The following HSD17B4 variants were observed in gnomAD, a reference collection of about 807,000 sequenced individuals.
HSD17B4 encodes the protein hydroxysteroid 17-beta dehydrogenase 4, also known as peroxisomal multifunctional enzyme type 2.
A neutral mutation model predicts 101.0 loss-of-function variants in HSD17B4; 70 were observed. That is an observed-to-expected ratio of 0.69 (90% CI 0.57 to 0.85). HSD17B4 has a LOEUF of 0.85. Ranked by LOEUF, HSD17B4 falls within the 40% of genes least tolerant of loss-of-function variation. The pLI, the probability that HSD17B4 is intolerant of heterozygous loss-of-function variation, is 0.00. For synonymous variants in HSD17B4, 347 were observed against 297.1 expected (o/e 1.17, Z -1.73); for missense variants, 984 against 892.4 (o/e 1.10, Z -1.31).
chr5:119,478,469 T>C (rs761049113), intron 7 of HSD17B4, among the ~76,000 whole-genome samples: 2 of 152,208 alleles, frequency 1.3e-5, no homozygotes, highest in Non-Finnish European at 2.9e-5. Flanking sequence ...AGGCATTTAA[T>C]ATTATTCAGA....
At chr5:119,457,510 G>A (rs1449572792) in intron 2 of HSD17B4, among the ~76,000 whole-genome samples, 2 of 152,190 alleles carry the variant, frequency 1.3e-5, no homozygotes, top group African/African-American at 4.8e-5. Context: ...CATAGGCACT[G>A]TCTGCTAATC....
intron 17 of HSD17B4, among the ~76,000 whole-genome samples, chr5:119,522,781 T>C (rs1362877956): frequency 6.6e-6 from 1 of 152,162 alleles, no homozygotes; most frequent in Non-Finnish European, 1.5e-5. Flanking sequence ...TTTGTTTTAT[T>C]CTGTTCTCCC....
intron 2 of HSD17B4, among the ~76,000 whole-genome samples, chr5:119,466,753 CCTT>C (rs1356236193): frequency 2.0e-5 from 3 of 151,670 alleles, no homozygotes; most frequent in South Asian, 2.1e-4. Flanking sequence ...GTTTCAGTGA[CCTT>C]CTGTAATTTT....
Position 119,477,440 on chromosome 5 carries a change from C to T in HSD17B4, c.373C>T (p.Arg125Trp), listed in dbSNP as rs149916677. 90 of 1,610,496 alleles carry T rather than the reference C, an allele frequency of 5.6e-5. No individual in the cohort carries two copies. The highest frequency in any genetic ancestry group is 1.2e-4 in the Admixed American group (7 of 59,928). The change falls in exon 7 of 24, where the codon CGG becomes TGG. Residue 125 changes from arginine to tryptophan, a missense_variant. By Grantham distance (101) the Arg-to-Trp change is moderately radical (BLOSUM62 -3). Transcript: ENST00000510025. ...AGATATAATCCACAGAGTTCATTTG[C>T]GGGGTTCATTCCAAGTGACACGGGC... ...DWDIIHRVHLRGSFQVTRAAW... is the reference protein window; with the variant it reads ...DWDIIHRVHLWGSFQVTRAAW...
chr5:119,520,499 A>T (rs1173860887), intron 17 of HSD17B4, among the ~76,000 whole-genome samples: 1 of 152,144 alleles, frequency 6.6e-6, no homozygotes, highest in Admixed American at 6.5e-5. Flanking sequence ...CAGAATTCTA[A>T]TCTATATTTG....
chr5:119,475,515 T>G (rs530129855), intron 4 of HSD17B4, among the ~76,000 whole-genome samples, 191 bp from the exon 5 acceptor site: 1 of 152,122 alleles, frequency 6.6e-6, no homozygotes, highest in Non-Finnish European at 1.5e-5. Context: ...TGATATAATG[T>G]GATACTTAGG....
intron 2 of HSD17B4, among the ~76,000 whole-genome samples, chr5:119,459,018 C>A (rs1467682331): frequency 1.3e-5 from 2 of 152,218 alleles, no homozygotes; most frequent in Admixed American, 1.3e-4. Flanking sequence ...ACTGAAGTAA[C>A]ACCTTTGGGT....
chr5:119,452,697 C>G, intron 1 of HSD17B4, 64 bp downstream of exon 1: 1 of 1,609,268 alleles, frequency 6.2e-7, no homozygotes, highest in Non-Finnish European at 8.5e-7. Flanking sequence ...TCTTTTCGGG[C>G]CGGCATACGC....
In HSD17B4 at chr5:119,509,127, T is replaced by A; in HGVS notation, c.1334-14T>A. The A allele has an allele frequency of 7.3e-7, 1 of 1,363,716 alleles. No homozygotes were observed. Among genetic ancestry groups the A allele is most frequent in the Non-Finnish European group, 1.0e-6 (1 of 952,738 alleles). The allele number at this position is 1,363,716 out of a possible 1,614,324, so 84.5% of individuals were successfully genotyped here. ...TGGTAACTTCTTTTATTTTTTCTTTTATTTACTTTTCAGTCTATTCTTATT... is the reference window on the plus strand; with the variant it reads ...TGGTAACTTCTTTTATTTTTTCTTTAATTTACTTTTCAGTCTATTCTTATT... On this transcript the variant is annotated splice_polypyrimidine_tract_variant and intron_variant, in intron 15 of 23. Transcript: ENST00000510025.
At chr5:119,458,508 A>ATT (rs35423756) in intron 2 of HSD17B4, among the ~76,000 whole-genome samples, 93 of 136,298 alleles carry the variant, frequency 6.8e-4, no homozygotes, top group East Asian at 1.9e-3. Context: ...AGCCTGGCTA[A>ATT]TTTTTTTTTT....
chr5:119,536,316 A>G, intron 22 of HSD17B4, 107 bp from the exon 23 acceptor site: 1 of 1,017,250 alleles, frequency 9.8e-7, no homozygotes, highest in East Asian at 2.4e-5. Flanking sequence ...AATAAGTGCC[A>G]CATTAACATG....
At chr5:119,511,018 C>T (rs1348802900) in intron 16 of HSD17B4, among the ~76,000 whole-genome samples, 1 of 152,168 alleles carries the variant, frequency 6.6e-6, no homozygotes, top group Non-Finnish European at 1.5e-5. Context: ...TGCACTTGCC[C>T]TAGCTTTCCC....
At chr5:119,534,032 AC>A (rs1425148554) in intron 22 of HSD17B4, among the ~76,000 whole-genome samples, 3 of 152,074 alleles carry the variant, frequency 2.0e-5, no homozygotes, top group Non-Finnish European at 4.4e-5. Flanking sequence ...TATTACTGAA[AC>A]TTTTTATAAA....
At chr5:119,484,059 C>G (rs36085051) in intron 8 of HSD17B4, among the ~76,000 whole-genome samples, 17 of 152,044 alleles carry the variant, frequency 1.1e-4, no homozygotes, top group African/African-American at 3.9e-4. Flanking sequence ...TAAAAAAAGT[C>G]AAGCTGGACA....
At chr5:119,513,246 A>G (rs779382677) in intron 16 of HSD17B4, among the ~76,000 whole-genome samples, 12 of 152,240 alleles carry the variant, frequency 7.9e-5, no homozygotes, top group Non-Finnish European at 1.5e-4. Context: ...TGGAAATGTT[A>G]TATTCACTCT....
At chr5:119,523,090 A>G (rs1283531660) in intron 17 of HSD17B4, among the ~76,000 whole-genome samples, 1 of 151,858 alleles carries the variant, frequency 6.6e-6, no homozygotes, top group African/African-American at 2.4e-5. Flanking sequence ...TTCTAGTTAC[A>G]CTGTAGGCTT....
rs886042516 is a variant in HSD17B4 at position 119,506,857 on chromosome 5, A to G, written c.1301A>G (p.Asp434Gly). 6.9e-6 allele frequency: 11 copies of G among 1,585,130 alleles called. No homozygotes were observed. The highest frequency in any genetic ancestry group is 9.5e-6 in the Non-Finnish European group (11 of 1,154,562). The part of the protein sequence containing the change: ...KCEAVVADVL[D>G]KGSGVVIIMD... ...GAAGCAGTTGTTGCTGATGTCCTAG[A>G]TAAAGGATCCGGTGTAGTGATTATT... The change falls in exon 15 of 24, where the codon GAT becomes GGT. Residue 434 changes from aspartate to glycine, a missense_variant. Asp to Gly is a moderately conservative substitution (Grantham distance 94). Coordinates refer to ENST00000510025, the MANE Select transcript of HSD17B4 (RefSeq NM_000414.4).
intron 17 of HSD17B4, among the ~76,000 whole-genome samples, chr5:119,521,157 T>C (rs1250222799): frequency 6.6e-6 from 1 of 152,210 alleles, no homozygotes; most frequent in Non-Finnish European, 1.5e-5. Context: ...CCCTAGATAC[T>C]TGAAGGGACA....
intron 22 of HSD17B4, chr5:119,535,667 A>ATT (rs985625863): frequency 7.1e-5 from 9 of 126,068 alleles, no homozygotes; most frequent in Admixed American, 1.7e-4. Context: ...ACTAATATAT[A>ATT]TTTTATATAT....
Sources: allele counts gnomAD v4.1 joint callset (sites outside exome capture counted in the v4.1 genomes callset), GRCh38; gene constraint gnomAD v4.1.1; transcripts MANE v1.5; gene names NCBI Gene and HGNC (gene_info 2026-07-23, HGNC 2026-07-21).